Variants in DZIP1 observed in about 807,000 individuals in gnomAD.
DZIP1 encodes the protein DAZ interacting zinc finger protein 1, also known as cilium assembly protein DZIP1.
A neutral mutation model predicts 107.6 loss-of-function variants in DZIP1; 97 were observed. The ratio of observed to expected loss-of-function variants is 0.90; its 90% confidence interval spans 0.77 to 1.07. DZIP1 has a LOEUF of 1.07. DZIP1 is among the 50% of genes least tolerant of loss of function. The pLI is 0.00. For missense variants in DZIP1, 1,035 were observed against 1,063.6 expected, an observed-to-expected ratio of 0.97 and a Z score of 0.37; for synonymous variants, 390 against 386.4, an observed-to-expected ratio of 1.01 and a Z score of -0.11.
Position 95,582,297 on chromosome 13 carries a change from T to G in DZIP1, c.2541A>C (p.Glu847Asp). The G allele has an allele frequency of 6.2e-7, 1 of 1,614,206 alleles. No individual in the cohort carries two copies. Among genetic ancestry groups the G allele is most frequent in the South Asian group, 1.1e-5 (1 of 91,074 alleles). ...GPKGEGLQEN[E>D]SSTLKSSLVT... ...CTAAGCTGCTTTTTAATGTGCTTGA[T>G]TCATTTTCTTGAAGTCCTGTAAGTG... Residue 847 changes from glutamate to aspartate, a missense_variant, in exon 23 of 23, where the codon GAA becomes GAC. Transcript: ENST00000376829.
intron 6 of DZIP1, among the ~76,000 whole-genome samples, chr13:95,631,762 C>G (rs528744870): frequency 4.9e-4 from 75 of 152,198 alleles, no homozygotes; most frequent in African/African-American, 1.7e-3. Context: ...CCAGATGAAG[C>G]CTCATGTCTC....
chr13:95,622,986 A>G (rs1407999520), intron 8 of DZIP1, among the ~76,000 whole-genome samples: 1 of 151,932 alleles, frequency 6.6e-6, no homozygotes, highest in Non-Finnish European at 1.5e-5. Flanking sequence ...CTCACACAAC[A>G]ATCTGCCTAC....
intron 14 of DZIP1, among the ~76,000 whole-genome samples, chr13:95,605,435 A>G (rs2044744072): frequency 6.6e-6 from 1 of 152,250 alleles, no homozygotes; most frequent in African/African-American, 2.4e-5. Context: ...CAGCCCATCT[A>G]TTGGATCATG....
At chr13:95,614,710 A>G (rs1371025637) in intron 10 of DZIP1, among the ~76,000 whole-genome samples, 2 of 151,964 alleles carry the variant, frequency 1.3e-5, no homozygotes, top group Non-Finnish European at 2.9e-5. Context: ...ACATCACCCC[A>G]TCCTCCCTTC....
At chr13:95,642,497 A>G (rs1007212108) in intron 3 of DZIP1, among the ~76,000 whole-genome samples, 4 of 152,166 alleles carry the variant, frequency 2.6e-5, no homozygotes, top group East Asian at 1.9e-4. Context: ...TCATTCCATC[A>G]TTAATAGAAA....
At chr13:95,638,884 C>A (rs1326667048) in intron 5 of DZIP1, among the ~76,000 whole-genome samples, 1 of 152,138 alleles carries the variant, frequency 6.6e-6, no homozygotes, top group East Asian at 1.9e-4. Flanking sequence ...ATGCGGTGGA[C>A]CCAATCATTG....
chr13:95,584,848 T>C lies in DZIP1; in HGVS notation c.2412A>G (p.Gly804=), dbSNP rs200670080. The C allele has an allele frequency of 8.7e-6, 14 of 1,614,004 alleles. No individual in the cohort carries two copies. Among genetic ancestry groups the C allele is most frequent in the Non-Finnish European group, 1.1e-5 (13 of 1,180,024 alleles). The change falls in exon 22 of 23, where the codon GGA becomes GGG. Residue 804 remains glycine (G), a synonymous_variant. Transcript: ENST00000376829. Reference sequence around the variant, plus strand: ...CCTTCTGTTCTTTCCCAGATTTTTTTCCCAAAGATATCTCTTCCTCTAGGG... The same window carrying C: ...CCTTCTGTTCTTTCCCAGATTTTTTCCCCAAAGATATCTCTTCCTCTAGGG... ...ISSLEEEISL[G]KKSGKEQKEP...
chr13:95,610,388 G>A (rs1192112346), intron 12 of DZIP1, among the ~76,000 whole-genome samples: 2 of 151,500 alleles, frequency 1.3e-5, no homozygotes, highest in Non-Finnish European at 2.9e-5. Flanking sequence ...ATAGCTCACT[G>A]CAGCCTTGAA....
chr13:95,633,354 T>C, intron 5 of DZIP1, 33 bp from the exon 6 acceptor site: 6 of 1,571,302 alleles, frequency 3.8e-6, no homozygotes, highest in Non-Finnish European at 5.3e-6. Flanking sequence ...TCCAAGTGTC[T>C]GTAACGACTG....
At chr13:95,587,900 A>G (rs1273218122) in intron 19 of DZIP1, 171 bp from the exon 20 acceptor site, 1 of 720,900 alleles carries the variant, frequency 1.4e-6, no homozygotes, top group East Asian at 2.8e-5. Flanking sequence ...GGTTATACCC[A>G]CGGCTGTAGC....
chr13:95,587,941 C>T (rs1594644011), intron 19 of DZIP1: 1 of 484,742 alleles, frequency 2.1e-6, no homozygotes, highest in Non-Finnish European at 3.5e-6. Flanking sequence ...CTGCCAGCCA[C>T]GGGGCATGTT....
intron 15 of DZIP1, 26 bp from the exon 16 acceptor site, chr13:95,594,112 T>TA (rs752053387): frequency 1.2e-5 from 18 of 1,564,834 alleles, no homozygotes; most frequent in African/African-American, 5.5e-5. Context: ...AAAAATGTGT[T>TA]AAAAAAAGAA....
chr13:95,605,796 C>A lies in DZIP1; in HGVS notation c.1477+207G>T, dbSNP rs74542426. ...TGGCAACCTTTTATACCTATATACA[C>A]CTTTTATACTTTAAGACTTTGGGAG... On this transcript the variant is annotated intron_variant, in intron 14 of 22. Coordinates refer to ENST00000376829, the MANE Select transcript of DZIP1 (RefSeq NM_198968.4). Among the ~76,000 whole-genome samples the A allele has an allele frequency of 3.6e-3, 551 of 152,318 alleles. 2 individuals are homozygous for A. Among genetic ancestry groups the A allele is most frequent in the African/African-American group, 0.013 (527 of 41,566 alleles).
At chr13:95,639,811 A>G (rs1028343693) in intron 5 of DZIP1, among the ~76,000 whole-genome samples, 2 of 152,094 alleles carry the variant, frequency 1.3e-5, no homozygotes, top group African/African-American at 4.8e-5. Context: ...TCGTTGCACA[A>G]GAAAAAAACC....
At chr13:95,642,898 C>A (rs1444024077) in intron 3 of DZIP1, 145 bp downstream of exon 3, 1 of 152,084 alleles carries the variant, frequency 6.6e-6, no homozygotes, top group Non-Finnish European at 1.5e-5. Flanking sequence ...GATAAAAGTA[C>A]GAACCAAAGA....
At chr13:95,629,302 G>T (rs942344344) in intron 7 of DZIP1, among the ~76,000 whole-genome samples, 3 of 152,258 alleles carry the variant, frequency 2.0e-5, no homozygotes, top group Admixed American at 6.5e-5. Flanking sequence ...ACCCACAGAA[G>T]TCAGAACTCA....
In DZIP1 at chr13:95,622,324, G is replaced by C. The variant is rs754329686; in HGVS notation, c.1110+19C>G. The C allele has an allele frequency of 1.9e-6, 3 of 1,614,072 alleles. No homozygotes were observed. The East Asian group carries it at 6.7e-5, about 36-fold the overall frequency. On this transcript the variant is annotated intron_variant, in intron 9 of 22. Coordinates refer to ENST00000376829, the MANE Select transcript of DZIP1 (RefSeq NM_198968.4). ...AAAAAGGAAGGCATCCACTGCAGCT[G>C]TCACCCACTTGCACGTACCTGACTA...
intron 22 of DZIP1, among the ~76,000 whole-genome samples, chr13:95,583,837 T>TAA (rs2044071585): frequency 6.6e-6 from 1 of 151,906 alleles, no homozygotes; most frequent in Admixed American, 6.6e-5. Flanking sequence ...AAAAATAATA[T>TAA]AAAAGCTGGG....
chr13:95,614,107 C>G (rs1874736255), intron 10 of DZIP1, among the ~76,000 whole-genome samples: 1 of 119,708 alleles, frequency 8.4e-6, no homozygotes, highest in African/African-American at 3.3e-5. Flanking sequence ...GCCCCGGTGA[C>G]AGAGTAAGAC....
Sources: allele counts gnomAD v4.1 joint callset (sites outside exome capture counted in the v4.1 genomes callset), GRCh38; gene constraint gnomAD v4.1.1; transcripts MANE v1.5; gene names NCBI Gene and HGNC (gene_info 2026-07-23, HGNC 2026-07-21).